RBFOX3: variants seen among roughly 807,000 people sequenced by gnomAD.
The protein encoded by RBFOX3 is RNA binding protein fox-1 homolog 3.
In RBFOX3, 17 loss-of-function variants were observed where a neutral mutation model predicts 48.7. The ratio of observed to expected loss-of-function variants is 0.35; its 90% CI spans 0.24 to 0.52. The LOEUF is 0.52. RBFOX3 is among the 20% of genes least tolerant of loss of function. The probability of loss-of-function intolerance (pLI) is 0.94; values close to 1 mark genes in which losing one functional copy is unlikely to be tolerated. For synonymous variants in RBFOX3, 212 were observed against 209.5 expected, an observed-to-expected ratio of 1.01 and a Z score of -0.10; for missense variants, 382 against 497.5, an observed-to-expected ratio of 0.77 and a Z score of 2.21.
chr17:79,149,572 G>T (rs1391230935), intron 4 of RBFOX3, among the ~76,000 whole-genome samples: 10 of 152,048 alleles, frequency 6.6e-5, no homozygotes, highest in African/African-American at 2.2e-4. Context: ...GCCTGGGGGG[G>T]TCCGTGGACG....
At chr17:79,403,806 T>G (rs1177961898) in intron 2 of RBFOX3, among the ~76,000 whole-genome samples, 4 of 126,390 alleles carry the variant, frequency 3.2e-5, no homozygotes, top group African/African-American at 1.1e-4. Flanking sequence ...TTTTTTGAGA[T>G]GGAGTCTTGC....
At chr17:79,310,840 T>C (rs1305952041) in intron 2 of RBFOX3, among the ~76,000 whole-genome samples, 1 of 152,114 alleles carries the variant, frequency 6.6e-6, no homozygotes, top group Non-Finnish European at 1.5e-5. Flanking sequence ...TCTAGGCCCA[T>C]CCATTGAACC....
At chr17:79,600,576 T>C (rs2093683031) in intron 1 of RBFOX3, 2 of 152,044 alleles carry the variant, frequency 1.3e-5, no homozygotes, top group African/African-American at 4.8e-5. Flanking sequence ...CATGCCCCAT[T>C]TGTGAGGAGA....
At chr17:79,112,403 C>A (rs1030090635) in intron 5 of RBFOX3, among the ~76,000 whole-genome samples, 1 of 152,168 alleles carries the variant, frequency 6.6e-6, no homozygotes, top group African/African-American at 2.4e-5. Context: ...CCACCAATTG[C>A]TGGCTGGAAA....
At chr17:79,585,111 A>C (rs1188935446) in intron 1 of RBFOX3, among the ~76,000 whole-genome samples, 3 of 152,022 alleles carry the variant, frequency 2.0e-5, no homozygotes, top group African/African-American at 7.2e-5. Flanking sequence ...GGGGGTGGTG[A>C]GGGGATAAAA....
At chr17:79,568,672 A>G in intron 1 of RBFOX3, among the ~76,000 whole-genome samples, 1 of 152,274 alleles carries the variant, frequency 6.6e-6, no homozygotes, top group Middle Eastern at 3.4e-3. Flanking sequence ...ATTCCTCCTC[A>G]TGAGAGCCTG....
At chr17:79,563,066 G>T (rs892541625) in intron 1 of RBFOX3, among the ~76,000 whole-genome samples, 12 of 152,204 alleles carry the variant, frequency 7.9e-5, no homozygotes, top group Non-Finnish European at 8.8e-5. Context: ...AGAGCGGGCG[G>T]GGGGAGCAAG....
intron 4 of RBFOX3, among the ~76,000 whole-genome samples, chr17:79,215,494 A>G (rs1404884385): frequency 6.6e-6 from 1 of 152,102 alleles, no homozygotes; most frequent in Non-Finnish European, 1.5e-5. Flanking sequence ...CTGTTCCTTG[A>G]GTCCTTGCCA....
At chr17:79,434,196 G>A (rs2068972770) in intron 2 of RBFOX3, among the ~76,000 whole-genome samples, 1 of 152,200 alleles carries the variant, frequency 6.6e-6, no homozygotes, top group Non-Finnish European at 1.5e-5. Context: ...GACCTCAGCT[G>A]GGACCACATG....
chr17:79,255,148 A>G (rs988009464), intron 3 of RBFOX3, among the ~76,000 whole-genome samples: 2 of 150,698 alleles, frequency 1.3e-5, no homozygotes, highest in Non-Finnish European at 3.0e-5. Flanking sequence ...CCCAGGCCAC[A>G]CCCCTCCCAG....
At chr17:79,536,305 CA>C (rs1259581598) in intron 1 of RBFOX3, among the ~76,000 whole-genome samples, 6 of 152,230 alleles carry the variant, frequency 3.9e-5, no homozygotes, top group African/African-American at 1.4e-4. Context: ...CTTTTGACCT[CA>C]AATGATCCAC....
intron 2 of RBFOX3, among the ~76,000 whole-genome samples, chr17:79,347,348 T>C (rs2083082093): frequency 6.6e-6 from 1 of 152,176 alleles, no homozygotes; most frequent in African/African-American, 2.4e-5. Context: ...TTTTTGGGAC[T>C]CCAAGACCTC....
chr17:79,514,708 C>T (rs1474355579), intron 1 of RBFOX3, among the ~76,000 whole-genome samples: 1 of 152,244 alleles, frequency 6.6e-6, no homozygotes, highest in Non-Finnish European at 1.5e-5. Context: ...TAGCACAAGC[C>T]TCTGGGTGGC....
At chr17:79,430,092 T>C (rs1163673122) in intron 2 of RBFOX3, among the ~76,000 whole-genome samples, 2 of 152,068 alleles carry the variant, frequency 1.3e-5, no homozygotes, top group African/African-American at 2.4e-5. Flanking sequence ...AGCTCTAGGA[T>C]TGAGTGATTT....
rs1325341847 is a variant in RBFOX3 at position 79,480,184 on chromosome 17, T to C, written c.-175+2270A>G. ...TGCTGCTTCTCTGTCCCATACAGGC[T>C]GGGGTGTGTGGCCTTCCTATCTGGG... On this transcript the variant is annotated intron_variant, in intron 2 of 14. Transcript: ENST00000693108. This position sits in a 1 kb window ranked among gnomAD's most constrained non-coding sequence, Gnocchi z 4.8. Among the ~76,000 whole-genome samples the C allele has an allele frequency of 6.6e-6, 1 of 152,154 alleles. No individual in the cohort carries two copies. The highest frequency in any genetic ancestry group is 1.5e-5 in the Non-Finnish European group (1 of 68,022).
chr17:79,308,631 A>C (rs1022026282), intron 2 of RBFOX3, among the ~76,000 whole-genome samples: 1 of 152,116 alleles, frequency 6.6e-6, no homozygotes, highest in Non-Finnish European at 1.5e-5. Context: ...TGGTATTTGA[A>C]GGTGGGGCCT....
intron 4 of RBFOX3, among the ~76,000 whole-genome samples, chr17:79,128,441 A>T (rs565395995): frequency 6.6e-6 from 1 of 152,314 alleles, no homozygotes; most frequent in African/African-American, 2.4e-5. Flanking sequence ...GATGGAGGTC[A>T]CAGGTGGCAG....
intron 4 of RBFOX3, among the ~76,000 whole-genome samples, chr17:79,145,772 G>A (rs902972418): frequency 1.3e-4 from 19 of 142,004 alleles, no homozygotes; most frequent in African/African-American, 3.6e-4. Flanking sequence ...GGATCCATGC[G>A]GCCCACACGG....
intron 2 of RBFOX3, among the ~76,000 whole-genome samples, chr17:79,476,599 A>G (rs1465967614): frequency 1.3e-5 from 2 of 152,146 alleles, no homozygotes; most frequent in Non-Finnish European, 2.9e-5. Context: ...TTTCCCCTTG[A>G]AGGGGAAAGG....
Sources: gnomAD v4.1 joint callset for allele counts (sites outside exome capture counted in the v4.1 genomes callset) on GRCh38, gnomAD v4.1.1 for gene constraint, Gnocchi (gnomAD v3.1) non-coding constraint, MANE v1.5 for transcripts, NCBI Gene and HGNC (gene_info 2026-07-23, HGNC 2026-07-21) for gene names.